The following PAX1 variants were observed in gnomAD, a reference collection of about 807,000 sequenced individuals.
PAX1 encodes the protein paired box 1.
PAX1 carries 18 observed loss-of-function variants against 35.6 expected under a neutral mutation model. The ratio of observed to expected loss-of-function variants is 0.50; its 90% CI spans 0.35 to 0.75. The LOEUF is 0.75. Among genes scored for constraint, PAX1 ranks in the 30% least tolerant of loss-of-function variants. The pLI is 0.01. For synonymous variants in PAX1, 397 were observed against 305.2 expected, an observed-to-expected ratio of 1.30 and a Z score of -3.14; for missense variants, 760 against 661.5, an observed-to-expected ratio of 1.15 and a Z score of -1.63.
rs775209837 is a variant in PAX1, at chr20:21,714,641, A to G, written c.*79A>G. On this transcript the variant is annotated 3_prime_UTR_variant, in exon 5 of 5. Transcript: ENST00000613128. ...CACAGGTCTGCGCGGCGGCCCCGGCAATCGGCACGGGCAGGATCGGAGGAC... is the reference window on the plus strand; with the variant it reads ...CACAGGTCTGCGCGGCGGCCCCGGCGATCGGCACGGGCAGGATCGGAGGAC... The G allele has an allele frequency of 2.5e-6, 4 of 1,584,674 alleles. No individual in the cohort carries two copies. The highest frequency in any genetic ancestry group is 2.3e-5 in the East Asian group (1 of 43,780).
At position 21,717,209 on chromosome 20, in the gene PAX1, T is replaced by G. The variant is rs1037200159; in HGVS notation, c.*2647T>G. The G allele has an allele frequency of 2.0e-5, 3 of 152,240 alleles. No individual in the cohort carries two copies. The highest frequency in any genetic ancestry group is 7.2e-5 in the African/African-American group (3 of 41,456). The allele number at this position is 152,240 out of a possible 1,614,324, so 9.4% of individuals were successfully genotyped here. ...ATTCACTGAGGATAGGCAGCCTTCG[T>G]CCCAGAGCCAGCAGGCTCTGACATT... On this transcript the variant is annotated 3_prime_UTR_variant, in exon 5 of 5. Coordinates refer to ENST00000613128, the MANE Select transcript of PAX1 (RefSeq NM_001257096.2).
In PAX1 at chr20:21,706,923, A is replaced by T. The variant is rs1985028439; in HGVS notation, c.772A>T (p.Ser258Cys). ...CCACATCTACCAGTACCCCTACCCCAGTCCCGTGTCGCCCACGGGCGCCAA... is the reference window on the plus strand; with the variant it reads ...CCACATCTACCAGTACCCCTACCCCTGTCCCGTGTCGCCCACGGGCGCCAA... ...YNHIYQYPYP[S>C]PVSPTGAKMG... The change falls in exon 2 of 5, where the codon AGT (serine) becomes TGT (cysteine). Residue 258 changes from serine to cysteine, a missense_variant. Around this residue, in one of 3 missense-constraint regions of PAX1, gnomAD observed 490 missense variants for 428.4 expected, o/e 1.14. Coordinates refer to ENST00000613128, the MANE Select transcript of PAX1 (RefSeq NM_001257096.2). The surrounding 1 kb of genome is among the most constrained non-coding windows in gnomAD (Gnocchi z 5.3). The T allele has an allele frequency of 1.2e-6, 2 of 1,612,848 alleles. No individual in the cohort carries two copies. Among genetic ancestry groups the T allele is most frequent in the Non-Finnish European group, 1.7e-6 (2 of 1,179,660 alleles).
rs1481419786 is a variant in PAX1, at chr20:21,717,889, T to G, written c.*3327T>G. On this transcript the variant is annotated 3_prime_UTR_variant, in exon 5 of 5. Transcript: ENST00000613128. ...TTTTTGTTCTTAAAGGTGAATGCTG[T>G]TATAGTCTTTTGTGAATCTTTCCAG... is the stretch of plus-strand genomic sequence containing the variant. 2 of 152,234 alleles carry G rather than the reference T, an allele frequency of 1.3e-5. No individual in the cohort carries two copies. The highest frequency in any genetic ancestry group is 2.4e-5 in the African/African-American group (1 of 41,460). 9.4% of individuals were successfully genotyped at this position (152,234 alleles called of 1,614,324 possible).
Position 21,705,738 on chromosome 20 carries a change from C to T in PAX1, c.26C>T (p.Ser9Leu). The T allele has an allele frequency of 8.0e-7, 1 of 1,248,868 alleles. No homozygotes were observed. The highest frequency in any genetic ancestry group is 1.0e-6 in the Non-Finnish European group (1 of 990,972). 77.4% of individuals were successfully genotyped at this position (1,248,868 alleles called of 1,614,324 possible). A position where few individuals can be genotyped will look rare whatever the true frequency, so the allele number is the denominator to read the frequency against. Residue 9 changes from serine to leucine, a missense_variant, in exon 1 of 5, where the codon TCG becomes TTG. Physicochemically the swap from Ser to Leu is moderately radical, Grantham distance 145. Around this residue, in one of 3 missense-constraint regions of PAX1, gnomAD observed 222 missense variants for 153.0 expected, o/e 1.45. Transcript: ENST00000613128. MKFTLGLG[S>L]RAWRVSWEGA... ...ATGAAGTTCACCCTGGGCCTGGGGT[C>T]GCGGGCGTGGAGAGTGTCCTGGGAG...
intron 4 of PAX1, among the ~76,000 whole-genome samples, chr20:21,713,908 C>T (rs1156971770): frequency 2.6e-5 from 4 of 152,240 alleles, no homozygotes; most frequent in Non-Finnish European, 5.9e-5. Context: ...CCTCCTACGT[C>T]GGAGGAATCC....
Position 21,715,150 on chromosome 20 carries a change from T to C in PAX1, c.*588T>C. 2.6e-6 allele frequency: 1 copy of C among 380,094 alleles called. No individual in the cohort carries two copies. The highest frequency in any genetic ancestry group is 4.9e-6 in the Non-Finnish European group (1 of 203,654). The allele number at this position is 380,094 out of a possible 1,614,324, so 23.5% of individuals were successfully genotyped here. A position where few individuals can be genotyped will look rare whatever the true frequency, so the allele number is the denominator to read the frequency against. Reference sequence around the variant, plus strand: ...CCATCCCTGTCGTTCCTTCTCTCTCTGTCTCTGGTTCTACTGTCAAGGGCC... The same window carrying C: ...CCATCCCTGTCGTTCCTTCTCTCTCCGTCTCTGGTTCTACTGTCAAGGGCC... On this transcript the variant is annotated 3_prime_UTR_variant, in exon 5 of 5. Transcript: ENST00000613128.
At chr20:21,714,302 C>A (rs997740781) in intron 4 of PAX1, among the ~76,000 whole-genome samples, 169 bp from the exon 5 acceptor site, 57 of 152,312 alleles carry the variant, frequency 3.7e-4, no homozygotes, top group African/African-American at 1.4e-3. Flanking sequence ...GGGCTGGTCG[C>A]CCACGGAAGC....
rs2122150587 is a variant in PAX1 at position 21,714,855 on chromosome 20, GC to G, written c.*295del. On this transcript the variant is annotated 3_prime_UTR_variant, in exon 5 of 5. Transcript: ENST00000613128. ...GCTCTGACGTGGCCTCCTTCGCTCT[GC>G]CAGCTTCAAATTTCTTTTTTGTCAC... The G allele has an allele frequency of 6.8e-7, 1 of 1,467,014 alleles. No homozygotes were observed. Among genetic ancestry groups the G allele is most frequent in the Non-Finnish European group, 9.4e-7 (1 of 1,061,262 alleles). The allele number at this position is 1,467,014 out of a possible 1,614,324, so 90.9% of individuals were successfully genotyped here.
rs1193013309 is a variant in PAX1 at position 21,715,312 on chromosome 20, AG to A, written c.*756del. The A allele has an allele frequency of 5.0e-5, 8 of 160,280 alleles. No individual in the cohort carries two copies. The highest frequency in any genetic ancestry group is 9.5e-5 in the Non-Finnish European group (7 of 73,554). The allele number at this position is 160,280 out of a possible 1,614,324, so 9.9% of individuals were successfully genotyped here. On this transcript the variant is annotated 3_prime_UTR_variant, in exon 5 of 5. Coordinates refer to ENST00000613128, the MANE Select transcript of PAX1 (RefSeq NM_001257096.2). ...CCTCTGAGCCCACCAGCCCTAATGG[AG>A]GGGGGCTCAAACCTAGGAAGTGGAC...
At chr20:21,711,767 T>C (rs1600328379) in intron 4 of PAX1, among the ~76,000 whole-genome samples, 1 of 152,330 alleles carries the variant, frequency 6.6e-6, no homozygotes, top group East Asian at 1.9e-4. Flanking sequence ...ATTACATACA[T>C]GCTTGGGTTA....
At position 21,706,695 on chromosome 20, in the gene PAX1, C is replaced by T. The variant is rs759783501; in HGVS notation, c.544C>T (p.Arg182Trp). ...VTTPNVVKHI[R>W]DYKQGDPGIF... ...CACTCCCAACGTGGTCAAGCACATCCGGGACTACAAGCAAGGAGACCCTGG... is the reference window on the plus strand; with the variant it reads ...CACTCCCAACGTGGTCAAGCACATCTGGGACTACAAGCAAGGAGACCCTGG... Residue 182 changes from arginine (R) to tryptophan (W), a missense_variant, in exon 2 of 5, where the codon CGG (arginine) becomes TGG (tryptophan). Arg to Trp is a moderately radical substitution (Grantham distance 101). Around this residue, in one of 3 missense-constraint regions of PAX1, gnomAD observed 490 missense variants for 428.4 expected, o/e 1.14. Transcript: ENST00000613128. This position sits in a 1 kb window ranked among gnomAD's most constrained non-coding sequence, Gnocchi z 5.3. 4 of 1,613,352 alleles carry T rather than the reference C, an allele frequency of 2.5e-6. No homozygotes were observed. The South Asian group carries it at 3.3e-5, about 13-fold the overall frequency.
intron 4 of PAX1, among the ~76,000 whole-genome samples, chr20:21,711,513 A>G (rs536810620): frequency 2.0e-5 from 3 of 152,348 alleles, no homozygotes; most frequent in Admixed American, 2.0e-4. Flanking sequence ...CCATTATATC[A>G]GTTTCCTATT....
chr20:21,711,073 G>T (rs1188610988), intron 4 of PAX1, among the ~76,000 whole-genome samples: 1 of 152,164 alleles, frequency 6.6e-6, no homozygotes, highest in Non-Finnish European at 1.5e-5. Flanking sequence ...CAACAACTGA[G>T]GTTATCTGTC....
At position 21,706,039 on chromosome 20, in the gene PAX1, A is replaced by G; in HGVS notation, c.286+41A>G. ...CAGGCAGGGCTCGGGAGGGCTGATG[A>G]GGTGGGTCGGGTCCGCCTGCCTCCC... is the stretch of plus-strand genomic sequence containing the variant. On this transcript the variant is annotated intron_variant, in intron 1 of 4. Transcript: ENST00000613128. The surrounding 1 kb of genome is among the most constrained non-coding windows in gnomAD (Gnocchi z 5.3). 2.8e-6 allele frequency: 4 copies of G among 1,433,270 alleles called. No homozygotes were observed. Among genetic ancestry groups the G allele is most frequent in the Non-Finnish European group, 3.7e-6 (4 of 1,089,356 alleles). 88.8% of individuals were successfully genotyped at this position (1,433,270 alleles called of 1,614,324 possible). A position where few individuals can be genotyped will look rare whatever the true frequency, so the allele number is the denominator to read the frequency against.
At chr20:21,707,392 G>T (rs1985054020) in intron 2 of PAX1, among the ~76,000 whole-genome samples, 2 of 152,120 alleles carry the variant, frequency 1.3e-5, no homozygotes, top group African/African-American at 4.8e-5. Context: ...AAAAAAACCC[G>T]CTCAATTTTG....
rs974365601 is a variant in PAX1 at position 21,714,880 on chromosome 20, A to C, written c.*318A>C. 1 of 1,194,436 alleles carries C rather than the reference A, an allele frequency of 8.4e-7. No homozygotes were observed. Among genetic ancestry groups the C allele is most frequent in the South Asian group, 1.3e-5 (1 of 79,878 alleles). 74.0% of individuals were successfully genotyped at this position (1,194,436 alleles called of 1,614,324 possible). ...GCCAGCTTCAAATTTCTTTTTTGTC[A>C]CTCCCTTGTCCGTCTCCGTCTCGCC... On this transcript the variant is annotated 3_prime_UTR_variant, in exon 5 of 5. Transcript: ENST00000613128.
intron 2 of PAX1, 27 bp downstream of exon 2, chr20:21,707,094 T>C: frequency 1.2e-6 from 2 of 1,612,780 alleles, no homozygotes; most frequent in Middle Eastern, 3.3e-4. Context: ...TCCGTAGCCT[T>C]CTATTAAGGG....
At chr20:21,708,211 T>G in intron 2 of PAX1, 1 of 452,574 alleles carries the variant, frequency 2.2e-6, no homozygotes, top group East Asian at 4.5e-5. Context: ...ACAATTTTCA[T>G]GAGGTTGCTG....
At chr20:21,711,079 CT>C (rs1378253078) in intron 4 of PAX1, among the ~76,000 whole-genome samples, 4 of 152,226 alleles carry the variant, frequency 2.6e-5, no homozygotes, top group African/African-American at 7.2e-5. Context: ...CTGAGGTTAT[CT>C]GTCGAAATCG....
Sources: gnomAD v4.1 joint callset for allele counts (sites outside exome capture counted in the v4.1 genomes callset) on GRCh38, gnomAD v4.1.1 for gene constraint, gnomAD v4.1.1 regional missense constraint, Gnocchi (gnomAD v3.1) non-coding constraint, MANE v1.5 for transcripts, NCBI Gene and HGNC (gene_info 2026-07-23, HGNC 2026-07-21) for gene names.